Variants in PPFIA2 observed in about 807,000 individuals in gnomAD.
PPFIA2 encodes PPFI scaffold protein A2.
A neutral mutation model predicts 175.5 loss-of-function variants in PPFIA2; 46 were observed. The ratio of observed to expected loss-of-function variants is 0.26; its 90% CI spans 0.21 to 0.34. The LOEUF is 0.34. PPFIA2 is among the 10% of genes least tolerant of loss of function. The pLI is 1.00. For missense variants in PPFIA2, 1,179 were observed against 1,506.1 expected (o/e 0.78, Z 3.60); for synonymous variants, 568 against 511.4 (o/e 1.11, Z -1.49).
chr12:81,567,651 A>T (rs1362215206), intron 4 of PPFIA2, among the ~76,000 whole-genome samples: 1 of 152,180 alleles, frequency 6.6e-6, no homozygotes, highest in Non-Finnish European at 1.5e-5. Context: ...CCTGAAGTGA[A>T]CTTCCTGGTT....
At chr12:81,484,091 G>T (rs540864216) in intron 4 of PPFIA2, among the ~76,000 whole-genome samples, 1 of 152,034 alleles carries the variant, frequency 6.6e-6, no homozygotes, top group East Asian at 1.9e-4. Flanking sequence ...CTGGGCGAAG[G>T]TCATTTCCTT....
Position 81,653,408 on chromosome 12 carries a change from A to T in PPFIA2, c.303+23383T>A, listed in dbSNP as rs962590508. On this transcript the variant is annotated intron_variant, in intron 4 of 32. Transcript: ENST00000549396. ...TGCTGTAGCAAATTACCACAAATGG[A>T]TCCCAGACATCCAAAACCAAGTTGT... 3.3e-5 allele frequency among the ~76,000 whole-genome samples: 5 copies of T among 152,196 alleles called. 1 individual carries two copies. The Middle Eastern group carries it at 0.014, about 414-fold the overall frequency.
intron 14 of PPFIA2, among the ~76,000 whole-genome samples, chr12:81,363,176 G>C (rs1053162215): frequency 2.0e-5 from 3 of 151,242 alleles, no homozygotes; most frequent in African/African-American, 7.3e-5. Context: ...AGGACATATG[G>C]GTGAAGGAAA....
intron 4 of PPFIA2, among the ~76,000 whole-genome samples, chr12:81,607,722 C>T (rs960629084): frequency 6.6e-6 from 1 of 150,952 alleles, no homozygotes; most frequent in Non-Finnish European, 1.5e-5. Context: ...TTTCTAAGTA[C>T]AGAACCATAT....
intron 4 of PPFIA2, among the ~76,000 whole-genome samples, chr12:81,561,188 A>G (rs186752914): frequency 3.9e-5 from 6 of 152,300 alleles, no homozygotes; most frequent in Non-Finnish European, 7.4e-5. Context: ...CAGGCTGTGT[A>G]TATGATATGA....
At chr12:81,483,974 A>G (rs1024708168) in intron 4 of PPFIA2, among the ~76,000 whole-genome samples, 1 of 151,938 alleles carries the variant, frequency 6.6e-6, no homozygotes. Context: ...CTTGTGCAGA[A>G]GTTTGAAGTA....
intron 8 of PPFIA2, 141 bp downstream of exon 8, chr12:81,405,646 G>A (rs2042800994): frequency 3.8e-6 from 2 of 532,386 alleles, no homozygotes; most frequent in African/African-American, 3.9e-5. Flanking sequence ...ATATTAGAAA[G>A]GAAATAACCA....
intron 3 of PPFIA2, among the ~76,000 whole-genome samples, chr12:81,695,986 A>G (rs569443455): frequency 1.3e-5 from 2 of 152,348 alleles, no homozygotes; most frequent in South Asian, 4.1e-4. Context: ...CTAATTTAAT[A>G]TTAACATATT....
intron 7 of PPFIA2, among the ~76,000 whole-genome samples, chr12:81,434,770 T>C (rs2048690664): frequency 6.6e-6 from 1 of 152,104 alleles, no homozygotes; most frequent in African/African-American, 2.4e-5. Flanking sequence ...CTAGTATTGA[T>C]GTCATTATGG....
chr12:81,650,339 ACT>A (rs1463298384), intron 4 of PPFIA2, among the ~76,000 whole-genome samples: 3 of 151,744 alleles, frequency 2.0e-5, no homozygotes, highest in African/African-American at 7.3e-5. Flanking sequence ...TGTGGATTGT[ACT>A]CTTTCTCTAT....
At chr12:81,316,178 A>G (rs540007700) in intron 22 of PPFIA2, among the ~76,000 whole-genome samples, 4 of 151,714 alleles carry the variant, frequency 2.6e-5, no homozygotes, top group African/African-American at 9.6e-5. Flanking sequence ...AACCCCGGCA[A>G]GAGAGAGACT....
At chr12:81,378,332 T>C (rs1376182879) in intron 9 of PPFIA2, 1 of 151,826 alleles carries the variant, frequency 6.6e-6, no homozygotes, top group Non-Finnish European at 1.5e-5. Flanking sequence ...TTTGTCTAGC[T>C]CAATCCTACT....
At chr12:81,597,799 A>G (rs1723155967) in intron 4 of PPFIA2, among the ~76,000 whole-genome samples, 1 of 152,020 alleles carries the variant, frequency 6.6e-6, no homozygotes, top group African/African-American at 2.4e-5. Flanking sequence ...CACAGTTTAA[A>G]GTAGATTAAA....
At chr12:81,377,180 G>T (rs904484735) in intron 9 of PPFIA2, among the ~76,000 whole-genome samples, 2 of 151,940 alleles carry the variant, frequency 1.3e-5, no homozygotes, top group Admixed American at 1.3e-4. Flanking sequence ...GTTTATACAT[G>T]TACCATATTT....
At chr12:81,589,582 A>C (rs2058438075) in intron 4 of PPFIA2, among the ~76,000 whole-genome samples, 1 of 152,126 alleles carries the variant, frequency 6.6e-6, no homozygotes, top group Non-Finnish European at 1.5e-5. Context: ...CTAATAGGTA[A>C]ACAGTATTGG....
At chr12:81,666,752 A>C (rs554939647) in intron 4 of PPFIA2, among the ~76,000 whole-genome samples, 2 of 152,278 alleles carry the variant, frequency 1.3e-5, no homozygotes, top group South Asian at 4.1e-4. Context: ...CCTAAAACTT[A>C]AAGTATAATA....
chr12:81,727,217 T>G (rs1292107049), intron 3 of PPFIA2, among the ~76,000 whole-genome samples: 1 of 151,262 alleles, frequency 6.6e-6, no homozygotes, highest in Non-Finnish European at 1.5e-5. Context: ...TTTTTCTCCA[T>G]CACAAGCTTA....
intron 4 of PPFIA2, among the ~76,000 whole-genome samples, chr12:81,652,302 A>C (rs2067144099): frequency 2.0e-5 from 3 of 150,534 alleles, no homozygotes; most frequent in Non-Finnish European, 4.4e-5. Context: ...TGAAGCTATA[A>C]AAAGCAGTGT....
intron 13 of PPFIA2, among the ~76,000 whole-genome samples, chr12:81,367,819 C>CTA (rs1183265107): frequency 6.6e-6 from 1 of 151,372 alleles, no homozygotes; most frequent in African/African-American, 2.4e-5. Flanking sequence ...CACACAAGTA[C>CTA]TATAAGACAT....
Sources: allele counts gnomAD v4.1 joint callset (sites outside exome capture counted in the v4.1 genomes callset), GRCh38; gene constraint gnomAD v4.1.1; transcripts MANE v1.5; gene names NCBI Gene and HGNC (gene_info 2026-07-23, HGNC 2026-07-21).